The following NEBL variants were observed in gnomAD, a reference collection of about 807,000 sequenced individuals.
The protein encoded by NEBL is LIM and SH3 protein 2.
In NEBL, 122 loss-of-function variants were observed where a neutral mutation model predicts 140.2. The ratio of observed to expected loss-of-function variants is 0.87; its 90% CI spans 0.75 to 1.01. The LOEUF is 1.01. NEBL is among the 50% of genes least tolerant of loss of function. The pLI is 0.00. For synonymous variants in NEBL, 436 were observed against 398.9 expected, an observed-to-expected ratio of 1.09 and a Z score of -1.11; for missense variants, 1,365 against 1,231.3, an observed-to-expected ratio of 1.11 and a Z score of -1.62.
chr10:21,040,094 G>A (rs1358870358), intron 2 of NEBL, among the ~76,000 whole-genome samples: 5 of 152,216 alleles, frequency 3.3e-5, no homozygotes, highest in Non-Finnish European at 4.4e-5. Context: ...TTAACTGGGC[G>A]TGGTGGCCCA....
intron 3 of NEBL, among the ~76,000 whole-genome samples, chr10:21,206,645 A>G (rs758611228): frequency 6.6e-6 from 1 of 152,194 alleles, no homozygotes; most frequent in East Asian, 1.9e-4. Context: ...CTGAATGAGG[A>G]GACAGGAGGA....
intron 3 of NEBL, among the ~76,000 whole-genome samples, chr10:21,192,198 C>CT (rs34146705): frequency 0.04 from 5,765 of 144,192 alleles, 390 homozygotes; most frequent in African/African-American, 0.13. Flanking sequence ...CTTTTTTTTT[C>CT]TTTTTTTTTT....
At chr10:20,848,446 T>C (rs938262653) in intron 11 of NEBL, among the ~76,000 whole-genome samples, 11 of 152,186 alleles carry the variant, frequency 7.2e-5, no homozygotes, top group Non-Finnish European at 1.3e-4. Flanking sequence ...CTTAAGAAGA[T>C]ACAAGACAGG....
intron 2 of NEBL, among the ~76,000 whole-genome samples, chr10:21,169,498 C>G (rs1840984724): frequency 6.6e-6 from 1 of 152,102 alleles, no homozygotes; most frequent in Non-Finnish European, 1.5e-5. Context: ...GAGTCAGGAT[C>G]CCCAGAGGGC....
chr10:20,868,426 A>G, intron 7 of NEBL: 1 of 497,718 alleles, frequency 2.0e-6, no homozygotes, highest in East Asian at 3.7e-5. Context: ...AGACATTGAA[A>G]AATGTTCAGA....
At position 20,988,744 on chromosome 10, in the gene NEBL, A is replaced by G. The variant is rs190401957; in HGVS notation, c.250-26965T>C. ...ACTTCTCTTCTCTTACTTGGGCATG[A>G]GCACACTGCAAGCAGATGTTTGTCC... On this transcript the variant is annotated intron_variant, in intron 3 of 6. Transcript: ENST00000417816. Among the ~76,000 whole-genome samples the G allele has an allele frequency of 3.4e-4, 52 of 152,336 alleles. 1 individual carries two copies. The East Asian group carries it at 6.2e-3, about 18-fold the overall frequency.
intron 1 of NEBL, among the ~76,000 whole-genome samples, chr10:21,266,095 C>G (rs550766990): frequency 6.6e-6 from 1 of 152,208 alleles, no homozygotes; most frequent in Non-Finnish European, 1.5e-5. Flanking sequence ...CATATCTGAT[C>G]GATCACCAGG....
intron 26 of NEBL, among the ~76,000 whole-genome samples, chr10:20,796,553 T>C (rs186231888): frequency 6.6e-5 from 10 of 152,224 alleles, no homozygotes. Context: ...GCTTTTTCTC[T>C]AGAAAAAATT....
At position 21,098,046 on chromosome 10, in the gene NEBL, A is replaced by G. The variant is rs77002191; in HGVS notation, c.164+74337T>C. The stretch of plus-strand genomic sequence containing the variant: ...TGGTAGCTAAGTGCTGATAACAACA[A>G]TTATCTAAATGTTGCAAAAGGATGA... On this transcript the variant is annotated intron_variant, in intron 2 of 6. Transcript: ENST00000417816. Among the ~76,000 whole-genome samples, 16 of 152,318 alleles carry G rather than the reference A, an allele frequency of 1.1e-4. No homozygotes were observed. The East Asian group carries it at 2.9e-3, about 28-fold the overall frequency.
intron 4 of NEBL, among the ~76,000 whole-genome samples, chr10:20,933,163 C>G (rs990533837): frequency 2.0e-5 from 3 of 152,076 alleles, no homozygotes; most frequent in Admixed American, 6.6e-5. Context: ...TGATTTGAAG[C>G]CTTTAGATTA....
intron 27 of NEBL, 129 bp from the exon 28 acceptor site, chr10:20,786,052 A>C: frequency 1.1e-6 from 1 of 889,700 alleles, no homozygotes; most frequent in Non-Finnish European, 1.8e-6. Flanking sequence ...ATCTCTGGAA[A>C]TCTGTAAACC....
chr10:20,786,899 G>T (rs1262746525), intron 27 of NEBL, among the ~76,000 whole-genome samples: 1 of 152,142 alleles, frequency 6.6e-6, no homozygotes, highest in Non-Finnish European at 1.5e-5. Context: ...TGCTCCTAAG[G>T]CATGAGTAAA....
At chr10:20,801,956 G>T (rs1164431905) in intron 26 of NEBL, among the ~76,000 whole-genome samples, 1 of 152,154 alleles carries the variant, frequency 6.6e-6, no homozygotes, top group Non-Finnish European at 1.5e-5. Flanking sequence ...AGCAAAATGG[G>T]AAAGGCCACG....
exon 3 of NEBL, chr10:21,020,192 C>T (rs758912425): frequency 2.0e-5 from 33 of 1,614,014 alleles, no homozygotes; most frequent in Non-Finnish European, 2.5e-5. Context: ...AGGACTGCTT[C>T]GGGTAGTGTC....
chr10:21,028,616 G>A (rs966592616), intron 2 of NEBL, among the ~76,000 whole-genome samples: 1 of 152,012 alleles, frequency 6.6e-6, no homozygotes. Context: ...TCATGAGAAA[G>A]GTTAGAATAT....
intron 2 of NEBL, among the ~76,000 whole-genome samples, chr10:21,156,897 T>C (rs909292990): frequency 6.6e-6 from 1 of 152,176 alleles, no homozygotes; most frequent in African/African-American, 2.4e-5. Context: ...CTTTTTAAAA[T>C]AAAACAAGAA....
chr10:20,810,184 T>C (rs2081900283), intron 24 of NEBL, among the ~76,000 whole-genome samples: 1 of 152,044 alleles, frequency 6.6e-6, no homozygotes, highest in Admixed American at 6.6e-5. Flanking sequence ...CTGTGACCCA[T>C]CACACAACAC....
intron 2 of NEBL, among the ~76,000 whole-genome samples, chr10:21,092,708 A>G (rs184287554): frequency 9.1e-4 from 138 of 152,070 alleles, no homozygotes; most frequent in African/African-American, 3.2e-3. Flanking sequence ...CCAGTTCTTC[A>G]AAGCACTTTT....
chr10:21,155,718 G>C (rs1174606541), intron 2 of NEBL, among the ~76,000 whole-genome samples: 7 of 152,214 alleles, frequency 4.6e-5, no homozygotes, highest in Non-Finnish European at 1.0e-4. Context: ...CCAGAAGAGT[G>C]AAATAGGGAA....
Sources: gnomAD v4.1 joint callset for allele counts (sites outside exome capture counted in the v4.1 genomes callset) on GRCh38, gnomAD v4.1.1 for gene constraint, MANE v1.5 for transcripts, NCBI Gene and HGNC (gene_info 2026-07-23, HGNC 2026-07-21) for gene names.